The following WDR31 variants were observed in gnomAD, a reference collection of about 807,000 sequenced individuals.
The protein encoded by WDR31 is WD repeat-containing protein 31.
A neutral mutation model predicts 47.3 loss-of-function variants in WDR31; 30 were observed. The observed-to-expected ratio is 0.63, with a 90% CI of 0.47 to 0.86. WDR31 has a LOEUF of 0.86. Ranked by LOEUF, WDR31 falls within the 40% of genes least tolerant of loss-of-function variation. The probability of loss-of-function intolerance (pLI) is 0.00; values close to 1 mark genes in which losing one functional copy is unlikely to be tolerated. For synonymous variants in WDR31, 137 were observed against 159.4 expected (o/e 0.86, Z 1.06); for missense variants, 406 against 442.9 (o/e 0.92, Z 0.75).
intron 8 of WDR31, 107 bp from the exon 9 acceptor site, chr9:113,320,605 CA>C: frequency 7.2e-7 from 1 of 1,389,444 alleles, no homozygotes; most frequent in Non-Finnish European, 9.7e-7. Flanking sequence ...ATAGGCCAGT[CA>C]GATTGGAATG....
In WDR31 at chr9:113,318,580, T is replaced by C. The variant is rs567631714; in HGVS notation, c.838A>G (p.Thr280Ala). The C allele has an allele frequency of 2.5e-5, 41 of 1,614,218 alleles. No homozygotes were observed. In the South Asian group the frequency reaches 4.5e-4, roughly 18 times the overall value. ...RICEYKGHFQ[T>A]VASCVFLPRA... ...GGTAGAAAGACGCAGGATGCGACAG[T>C]CTGGAAATGCCCCTTATACTCACAT... Residue 280 changes from threonine (T) to alanine (A), a missense_variant, in exon 10 of 11, where the codon ACT becomes GCT. By Grantham distance (58) the Thr-to-Ala change is moderately conservative. Transcript: ENST00000374193.
intron 5 of WDR31, among the ~76,000 whole-genome samples, chr9:113,324,972 G>A (rs766578400): frequency 2.6e-5 from 4 of 151,900 alleles, no homozygotes; most frequent in Non-Finnish European, 4.4e-5. Flanking sequence ...TTGAGACACA[G>A]TCTCACTCTG....
In WDR31 at chr9:113,316,524, TTAAA is replaced by T; in HGVS notation, c.*221_*224del. ...CTAAAAAGTTGCATTTGTATTTAAC[TTAAA>T]TAGAGAACCTTATGTGTAGTCCATG... On this transcript the variant is annotated 3_prime_UTR_variant, in exon 11 of 11. Transcript: ENST00000374193. The T allele has an allele frequency of 2.1e-6, 1 of 477,744 alleles. No individual in the cohort carries two copies. The highest frequency in any genetic ancestry group is 3.6e-6 in the Non-Finnish European group (1 of 275,962). 29.6% of individuals were successfully genotyped at this position (477,744 alleles called of 1,614,324 possible).
chr9:113,334,287 T>C (rs545197580), intron 2 of WDR31, among the ~76,000 whole-genome samples: 89 of 152,268 alleles, frequency 5.8e-4, no homozygotes, highest in African/African-American at 2.1e-3. Flanking sequence ...ACATAAACAA[T>C]AGATTATAAT....
rs1225287682 is a variant in WDR31, at chr9:113,313,711, T to C, written c.*3038A>G. 1.3e-5 allele frequency: 2 copies of C among 152,138 alleles called. No homozygotes were observed. Among genetic ancestry groups the C allele is most frequent in the Admixed American group, 1.3e-4 (2 of 15,280 alleles). 9.4% of individuals were successfully genotyped at this position (152,138 alleles called of 1,614,324 possible). ...AATGGAAATCACAATACAGAGAATA[T>C]TGGGAATAACAAATGAGAATAAATA... On this transcript the variant is annotated 3_prime_UTR_variant, in exon 11 of 11. Coordinates refer to ENST00000374193, the MANE Select transcript of WDR31 (RefSeq NM_001012361.4).
At chr9:113,323,237 C>A in intron 5 of WDR31, 82 bp from the exon 6 acceptor site, 2 of 1,474,682 alleles carry the variant, frequency 1.4e-6, no homozygotes, top group South Asian at 2.6e-5. Context: ...AAAGATGAGT[C>A]TGCATAACTC....
intron 4 of WDR31, 135 bp from the exon 5 acceptor site, chr9:113,329,090 G>T (rs1244328499): frequency 7.7e-6 from 6 of 782,402 alleles, no homozygotes; most frequent in African/African-American, 1.7e-5. Context: ...AAGCATTCGG[G>T]GTTCCCTGTT....
chr9:113,320,534 A>C (rs1437140628), intron 8 of WDR31, 36 bp from the exon 9 acceptor site: 5 of 1,604,812 alleles, frequency 3.1e-6, no homozygotes, highest in Non-Finnish European at 4.3e-6. Context: ...AGCTTGTAGT[A>C]AATGTGGCTG....
intron 5 of WDR31, among the ~76,000 whole-genome samples, chr9:113,323,999 C>T (rs1477505161): frequency 2.0e-5 from 3 of 152,152 alleles, no homozygotes; most frequent in Non-Finnish European, 1.5e-5. Context: ...CTGACCTACT[C>T]TTCCTGTTCT....
chr9:113,319,683 A>AGGT (rs1833282732), intron 9 of WDR31, among the ~76,000 whole-genome samples: 1 of 152,210 alleles, frequency 6.6e-6, no homozygotes, highest in Admixed American at 6.5e-5. Context: ...AATGTAAGGA[A>AGGT]GGTACATGAG....
intron 10 of WDR31, among the ~76,000 whole-genome samples, chr9:113,317,788 T>C (rs574009486): frequency 1.4e-4 from 22 of 152,342 alleles, no homozygotes; most frequent in African/African-American, 4.3e-4. Context: ...ATGGAGGCAG[T>C]GGGGTGCTGG....
chr9:113,333,453 C>A (rs1833645266), intron 2 of WDR31, among the ~76,000 whole-genome samples: 2 of 146,476 alleles, frequency 1.4e-5, no homozygotes, highest in Admixed American at 1.4e-4. Flanking sequence ...GCAATCTCGG[C>A]TCACTGCAAG....
At chr9:113,330,879 C>T (rs1413960247) in intron 4 of WDR31, 105 bp downstream of exon 4, 3 of 1,283,718 alleles carry the variant, frequency 2.3e-6, no homozygotes, top group African/African-American at 3.0e-5. Flanking sequence ...AATATTTTTA[C>T]ACTTGTCAAC....
At chr9:113,321,639 T>C in intron 7 of WDR31, 61 bp from the exon 8 acceptor site, 1 of 1,492,302 alleles carries the variant, frequency 6.7e-7, no homozygotes, top group African/African-American at 1.4e-5. Flanking sequence ...CTGTAATTCC[T>C]GTCAAATGTG....
intron 9 of WDR31, 21 bp downstream of exon 9, chr9:113,320,336 G>C: frequency 1.9e-6 from 3 of 1,612,852 alleles, no homozygotes; most frequent in African/African-American, 1.3e-5. Context: ...CCAGATACCT[G>C]GACCTCACAC....
chr9:113,324,848 G>A (rs1034424100), intron 5 of WDR31, among the ~76,000 whole-genome samples: 4 of 150,820 alleles, frequency 2.7e-5, no homozygotes, highest in South Asian at 4.2e-4. Flanking sequence ...GTGTGTGTGT[G>A]TGTGTGTGTG....
intron 1 of WDR31, among the ~76,000 whole-genome samples, chr9:113,337,101 G>A (rs1833729210): frequency 6.6e-6 from 1 of 152,198 alleles, no homozygotes; most frequent in South Asian, 2.1e-4. Context: ...AGAATAGTCA[G>A]AACAACATTT....
At chr9:113,317,975 C>T (rs183176945) in intron 10 of WDR31, among the ~76,000 whole-genome samples, 8 of 152,358 alleles carry the variant, frequency 5.3e-5, no homozygotes, top group Non-Finnish European at 1.0e-4. Context: ...CTCCATCCAG[C>T]AGATCCAGGA....
intron 3 of WDR31, among the ~76,000 whole-genome samples, chr9:113,331,518 C>A (rs999374043): frequency 2.0e-5 from 3 of 152,220 alleles, no homozygotes; most frequent in Non-Finnish European, 4.4e-5. Flanking sequence ...GCACACATGG[C>A]TCACTGCAGC....
Sources: gnomAD v4.1 joint callset for allele counts (sites outside exome capture counted in the v4.1 genomes callset) on GRCh38, gnomAD v4.1.1 for gene constraint, MANE v1.5 for transcripts, NCBI Gene and HGNC (gene_info 2026-07-23, HGNC 2026-07-21) for gene names.